Variants in PTPRK observed in about 807,000 individuals in gnomAD.
The protein encoded by PTPRK is protein tyrosine phosphatase receptor type K.
In PTPRK, 75 loss-of-function variants were observed where a neutral mutation model predicts 178.0. The ratio of observed to expected loss-of-function variants is 0.42; its 90% CI spans 0.35 to 0.51. The LOEUF (loss-of-function observed/expected upper bound fraction) is 0.51. Ranked by LOEUF, PTPRK falls within the 20% of genes least tolerant of loss-of-function variation. PTPRK has a pLI of 0.02. For synonymous variants in PTPRK, 637 were observed against 620.6 expected, an observed-to-expected ratio of 1.03 and a Z score of -0.39; for missense variants, 1,441 against 1,797.8, an observed-to-expected ratio of 0.80 and a Z score of 3.59.
intron 13 of PTPRK, among the ~76,000 whole-genome samples, chr6:128,046,840 G>A (rs1206329426): frequency 1.3e-5 from 2 of 152,126 alleles, no homozygotes; most frequent in Non-Finnish European, 2.9e-5. Context: ...GTTTCTAAAC[G>A]CATGGAGTAC....
intron 6 of PTPRK, among the ~76,000 whole-genome samples, chr6:128,208,758 A>G (rs1004098105): frequency 2.0e-5 from 3 of 152,144 alleles, no homozygotes; most frequent in Non-Finnish European, 4.4e-5. Context: ...CTAAGCACCT[A>G]TTGTTCAATT....
chr6:128,435,046 C>A (rs113439591), intron 1 of PTPRK, among the ~76,000 whole-genome samples: 1,116 of 72,150 alleles, frequency 0.015, 29 homozygotes, highest in African/African-American at 0.059. Context: ...GGCAGGAAGG[C>A]AGGAAGGAAG....
chr6:128,391,456 G>A (rs941921128), intron 2 of PTPRK, among the ~76,000 whole-genome samples: 4 of 152,086 alleles, frequency 2.6e-5, no homozygotes, highest in Admixed American at 1.3e-4. Context: ...CAAAACTAGC[G>A]ATAATATTGC....
intron 2 of PTPRK, among the ~76,000 whole-genome samples, chr6:128,396,375 A>C (rs1431917798): frequency 6.7e-6 from 1 of 148,988 alleles, no homozygotes; most frequent in Non-Finnish European, 1.5e-5. Flanking sequence ...ATATATAATT[A>C]TGTACTATTT....
intron 13 of PTPRK, among the ~76,000 whole-genome samples, chr6:128,060,734 T>C (rs1780665622): frequency 6.6e-6 from 1 of 152,140 alleles, no homozygotes; most frequent in African/African-American, 2.4e-5. Flanking sequence ...TTCACATTAG[T>C]TTATAGATTA....
rs538104313 is a variant in PTPRK, at chr6:128,356,868, C to G, written c.224-34558G>C. Among the ~76,000 whole-genome samples the G allele has an allele frequency of 3.9e-5, 6 of 152,242 alleles. No individual in the cohort carries two copies. In the South Asian group the frequency reaches 1.2e-3, roughly 32 times the overall value. ...TCAGAGTTGAAATTGTAAGCCATACCCCTGCGTCCAATTTTAGTCCTGTGC... is the reference window on the plus strand; with the variant it reads ...TCAGAGTTGAAATTGTAAGCCATACGCCTGCGTCCAATTTTAGTCCTGTGC... On this transcript the variant is annotated intron_variant, in intron 2 of 29. Transcript: ENST00000368226.
At chr6:128,198,059 T>G (rs1486571256) in intron 6 of PTPRK, among the ~76,000 whole-genome samples, 5 of 152,144 alleles carry the variant, frequency 3.3e-5, no homozygotes, top group Non-Finnish European at 7.4e-5. Context: ...AGCTGTTCAA[T>G]TTGAGACTCT....
chr6:128,157,185 C>T (rs1255727808), intron 7 of PTPRK, among the ~76,000 whole-genome samples: 1 of 151,940 alleles, frequency 6.6e-6, no homozygotes, highest in African/African-American at 2.4e-5. Flanking sequence ...GTTCCAGACT[C>T]CACTAGAGAA....
chr6:128,072,814 T>G (rs1783065046), intron 11 of PTPRK, among the ~76,000 whole-genome samples: 1 of 152,040 alleles, frequency 6.6e-6, no homozygotes, highest in Admixed American at 6.6e-5. Flanking sequence ...GAGTAATTTT[T>G]AAGATGAGGA....
At chr6:128,225,714 T>G (rs1811180603) in intron 5 of PTPRK, among the ~76,000 whole-genome samples, 2 of 152,172 alleles carry the variant, frequency 1.3e-5, no homozygotes, top group South Asian at 2.1e-4. Context: ...AGAGAAGCAC[T>G]GTTTCTTATT....
intron 1 of PTPRK, among the ~76,000 whole-genome samples, chr6:128,516,703 C>T (rs192730183): frequency 2.6e-5 from 4 of 152,222 alleles, no homozygotes; most frequent in East Asian, 1.9e-4. Flanking sequence ...AGCAGGATCT[C>T]GAGCTGTATT....
intron 13 of PTPRK, among the ~76,000 whole-genome samples, chr6:128,022,981 G>A (rs891312302): frequency 2.0e-5 from 3 of 152,056 alleles, no homozygotes; most frequent in African/African-American, 4.8e-5. Flanking sequence ...GCTCAGATAC[G>A]GAGATTAAAA....
chr6:128,279,133 A>G (rs1821273403), intron 3 of PTPRK, among the ~76,000 whole-genome samples: 1 of 151,878 alleles, frequency 6.6e-6, no homozygotes, highest in Non-Finnish European at 1.5e-5. Context: ...GTGAGCCATT[A>G]GAAGTTGACT....
intron 2 of PTPRK, among the ~76,000 whole-genome samples, chr6:128,336,378 TA>T (rs1471667051): frequency 1.3e-5 from 2 of 152,006 alleles, no homozygotes; most frequent in Non-Finnish European, 1.5e-5. Context: ...GAAACTAAAA[TA>T]AAAAATAACT....
At chr6:128,329,582 T>C (rs193146185) in intron 2 of PTPRK, among the ~76,000 whole-genome samples, 145 of 152,228 alleles carry the variant, frequency 9.5e-4, no homozygotes, top group African/African-American at 3.3e-3. Flanking sequence ...AGGAGAGCCA[T>C]TGGTGTAAGT....
chr6:128,437,568 T>C (rs952166179), intron 1 of PTPRK, among the ~76,000 whole-genome samples: 2 of 152,146 alleles, frequency 1.3e-5, no homozygotes, highest in Non-Finnish European at 2.9e-5. Flanking sequence ...ATAAATTACA[T>C]AATTAAATAC....
intron 1 of PTPRK, among the ~76,000 whole-genome samples, chr6:128,419,969 G>A (rs1246828657): frequency 3.9e-5 from 6 of 152,186 alleles, no homozygotes; most frequent in Non-Finnish European, 8.8e-5. Flanking sequence ...AGTTAGGTAG[G>A]AAATCCTTCA....
At chr6:128,107,712 T>A (rs568286515) in intron 7 of PTPRK, among the ~76,000 whole-genome samples, 1 of 152,242 alleles carries the variant, frequency 6.6e-6, no homozygotes. Flanking sequence ...AAAATATCTG[T>A]ATTAAATCAT....
intron 7 of PTPRK, among the ~76,000 whole-genome samples, chr6:128,173,059 G>A (rs917219659): frequency 6.6e-6 from 1 of 151,888 alleles, no homozygotes; most frequent in Non-Finnish European, 1.5e-5. Flanking sequence ...ACACACATTA[G>A]CTTACTTGCA....
Sources: allele counts gnomAD v4.1 joint callset (sites outside exome capture counted in the v4.1 genomes callset), GRCh38; gene constraint gnomAD v4.1.1; transcripts MANE v1.5; gene names NCBI Gene and HGNC (gene_info 2026-07-23, HGNC 2026-07-21).